The following SASH3 variants were observed in gnomAD, a reference collection of about 807,000 sequenced individuals.
SASH3 encodes SAM and SH3 domain-containing protein 3.
In SASH3, 7 loss-of-function variants were observed where a neutral mutation model predicts 26.1. That is an observed-to-expected ratio of 0.27 (90% CI 0.15 to 0.50). SASH3 has a LOEUF of 0.50. SASH3 is among the 20% of genes least tolerant of loss of function. The pLI, the probability that SASH3 is intolerant of heterozygous loss-of-function variation, is 0.98. For synonymous variants in SASH3, 138 were observed against 136.8 expected (o/e 1.01, Z -0.06); for missense variants, 231 against 318.3 (o/e 0.73, Z 2.09).
At chrX:129,781,242 G>A (rs1466163426) in intron 1 of SASH3, among the ~76,000 whole-genome samples, 1 of 112,077 alleles carries the variant, frequency 8.9e-6, no homozygotes, top group Non-Finnish European at 1.9e-5. Context: ...AGAGATGGAG[G>A]CCAAGGCAGC....
chrX:129,791,081 G>A lies in SASH3; in HGVS notation c.442G>A (p.Gly148Ser), dbSNP rs1461520484. ...LPVLSRQAST[G>S]SELCSPSPGS... The stretch of plus-strand genomic sequence containing the variant: ...GGTGCTCAGCCGCCAGGCATCAACA[G>A]GTGAGTAGGGGATGCGGGGGACACC... The change falls in exon 4 of 8, where the codon GGC becomes AGC. Residue 148 changes from glycine to serine, a missense_variant and splice_region_variant. Coordinates refer to ENST00000356892, the MANE Select transcript of SASH3 (RefSeq NM_018990.4). 4 of 1,209,521 alleles carry A rather than the reference G, an allele frequency of 3.3e-6. No individual in the cohort carries two copies. In the South Asian group the frequency reaches 5.3e-5, roughly 16 times the overall value.
In SASH3 at chrX:129,793,635, C is replaced by A. The variant is rs1482067280; in HGVS notation, c.953-7C>A. On this transcript the variant is annotated splice_region_variant and splice_polypyrimidine_tract_variant and intron_variant, in intron 7 of 7. Transcript: ENST00000356892. ...CATATTCTGTCTCCCTCTCTCGTCC[C>A]TGGCAGCTGGCAGTGAGGAGGCTGA... 1 of 1,209,579 alleles carries A rather than the reference C, an allele frequency of 8.3e-7. No homozygotes were observed. Among genetic ancestry groups the A allele is most frequent in the East Asian group, 3.0e-5 (1 of 33,802 alleles).
chrX:129,779,994 C>T lies in SASH3; in HGVS notation c.-104C>T, dbSNP rs1183904813. On this transcript the variant is annotated 5_prime_UTR_variant, in exon 1 of 8. Coordinates refer to ENST00000356892, the MANE Select transcript of SASH3 (RefSeq NM_018990.4). ...GCAGTCAGAGTGGCAGCTGAAGGCT[C>T]GGTTCATGCCGTGCCCCCGGGCAGT... 9 of 798,315 alleles carry T rather than the reference C, an allele frequency of 1.1e-5. No homozygotes were observed. The highest frequency in any genetic ancestry group is 7.3e-5 in the South Asian group (3 of 41,144). The allele number at this position is 798,315 out of a possible 1,213,427, so 65.8% of individuals were successfully genotyped here. A position where few individuals can be genotyped will look rare whatever the true frequency, so the allele number is the denominator to read the frequency against.
chrX:129,785,288 C>T (rs772865690), intron 1 of SASH3, among the ~76,000 whole-genome samples: 2 of 111,099 alleles, frequency 1.8e-5, no homozygotes, highest in Non-Finnish European at 3.8e-5. Context: ...AGAATTTCAA[C>T]TCAACCCTGA....
At position 129,792,753 on chromosome X, in the gene SASH3, G is replaced by A. The variant is rs2231131; in HGVS notation, c.718G>A (p.Ala240Thr). ...DVLPEEAVGH[A>T]RPSRRQSKGK... ...GCTGCCCGAGGAGGCCGTGGGGCAT[G>A]CCCGCCCCAGCCGCCGACAGAGCAA... is the stretch of plus-strand genomic sequence containing the variant. Residue 240 changes from alanine (A) to threonine (T), a missense_variant, in exon 6 of 8, where the codon GCC becomes ACC. Coordinates refer to ENST00000356892, the MANE Select transcript of SASH3 (RefSeq NM_018990.4). The A allele has an allele frequency of 4.4e-4, 529 of 1,207,002 alleles. 3 individuals carry two copies. In the African/African-American group the frequency reaches 8.1e-3, roughly 18 times the overall value.
chrX:129,792,150 G>A (rs747003128), intron 4 of SASH3, among the ~76,000 whole-genome samples, 178 bp from the exon 5 acceptor site: 7 of 112,019 alleles, frequency 6.2e-5, no homozygotes, highest in Admixed American at 4.7e-4. Flanking sequence ...GCTCCTGGTC[G>A]GTAGCCAAGG....
intron 1 of SASH3, among the ~76,000 whole-genome samples, chrX:129,780,826 A>G (rs145083723): frequency 0.011 from 1,197 of 112,521 alleles, 10 homozygotes; most frequent in African/African-American, 0.036. Context: ...GGAATGAGAA[A>G]TTAAGTTGAG....
chrX:129,784,507 T>C (rs5932683), intron 1 of SASH3, among the ~76,000 whole-genome samples: 5,125 of 110,923 alleles, frequency 0.046, 127 homozygotes, highest in Middle Eastern at 0.082. Context: ...TGTCAGACAA[T>C]GTTCCAAGCA....
At chrX:129,785,543 C>T (rs1927092160) in intron 1 of SASH3, among the ~76,000 whole-genome samples, 2 of 112,252 alleles carry the variant, frequency 1.8e-5, no homozygotes, top group Admixed American at 9.4e-5. Context: ...GAGGGACCCT[C>T]GCACAAGGGT....
chrX:129,788,480 G>A lies in SASH3; in HGVS notation c.203G>A (p.Ser68Asn). ...CCCACCCCAGAAGATGCTGGGAAGA[G>A]TGGCAAAAAGCTGGGGAAGAAGTGG... ...GVPTPEDAGK[S>N]GKKLGKKWRA... The change falls in exon 3 of 8, where the codon AGT becomes AAT. Residue 68 changes from serine (S) to asparagine (N), a missense_variant. Coordinates refer to ENST00000356892, the MANE Select transcript of SASH3 (RefSeq NM_018990.4). 8.3e-7 allele frequency: 1 copy of A among 1,211,561 alleles called. No individual in the cohort carries two copies. Among genetic ancestry groups the A allele is most frequent in the Non-Finnish European group, 1.1e-6 (1 of 895,140 alleles).
At position 129,791,098 on chromosome X, in the gene SASH3, G is replaced by A. The variant is rs771134347; in HGVS notation, c.442+17G>A. ...CATCAACAGGTGAGTAGGGGATGCG[G>A]GGGACACCTGCCGAATCTGGAGGAA... On this transcript the variant is annotated intron_variant, in intron 4 of 7. Coordinates refer to ENST00000356892, the MANE Select transcript of SASH3 (RefSeq NM_018990.4). 1 of 1,204,685 alleles carries A rather than the reference G, an allele frequency of 8.3e-7. No individual in the cohort carries two copies. Among genetic ancestry groups the A allele is most frequent in the Non-Finnish European group, 1.1e-6 (1 of 890,923 alleles).
chrX:129,789,113 GAAAGAAAGA>G (rs1927168936), intron 3 of SASH3, among the ~76,000 whole-genome samples: 1 of 29,327 alleles, frequency 3.4e-5, no homozygotes, highest in Non-Finnish European at 5.3e-5. Context: ...AAAAAAAAAA[GAAAGAAAGA>G]AAGAAAGAAA....
rs778881620 is a variant in SASH3, at chrX:129,787,989, C to T, written c.72C>T (p.Arg24=). 7 of 1,208,622 alleles carry T rather than the reference C, an allele frequency of 5.8e-6. No homozygotes were observed. The South Asian group carries it at 8.8e-5, about 15-fold the overall frequency. The change falls in exon 2 of 8, where the codon CGC becomes CGT. Residue 24 remains arginine (R), a synonymous_variant. Transcript: ENST00000356892. ...CCTTTTTCCAGCTCTCCCTTCAGCGCTCCAGCAGCTTCAAGGATTTTGCCA... is the reference window on the plus strand; with the variant it reads ...CCTTTTTCCAGCTCTCCCTTCAGCGTTCCAGCAGCTTCAAGGATTTTGCCA... ...PTQKKKLSLQ[R]SSSFKDFAKS...
rs1232751481 is a variant in SASH3, at chrX:129,794,045, T to C, written c.*213T>C. On this transcript the variant is annotated 3_prime_UTR_variant, in exon 8 of 8. Transcript: ENST00000356892. Reference sequence around the variant, plus strand: ...GAGTCGCCCAAGGGCACATCCCACCTGCCTGAGCCCCGCCCTCCACCAGCG... The same window carrying C: ...GAGTCGCCCAAGGGCACATCCCACCCGCCTGAGCCCCGCCCTCCACCAGCG... 2 of 399,222 alleles carry C rather than the reference T, an allele frequency of 5.0e-6. No homozygotes were observed. Among genetic ancestry groups the C allele is most frequent in the Admixed American group, 4.2e-5 (1 of 23,724 alleles). 32.9% of individuals were successfully genotyped at this position (399,222 alleles called of 1,213,427 possible).
intron 1 of SASH3, 61 bp downstream of exon 1, chrX:129,780,215 C>G: frequency 2.8e-6 from 3 of 1,075,994 alleles, no homozygotes; most frequent in Non-Finnish European, 3.8e-6. Context: ...CCATCCCTTC[C>G]AAGACTCTTG....
intron 1 of SASH3, among the ~76,000 whole-genome samples, chrX:129,784,802 A>G (rs1721426414): frequency 9.1e-6 from 1 of 110,129 alleles, no homozygotes; most frequent in Non-Finnish European, 1.9e-5. Flanking sequence ...CACAGTAACC[A>G]CTATCCTGAC....
intron 1 of SASH3, among the ~76,000 whole-genome samples, chrX:129,785,727 C>A (rs1305432615): frequency 8.9e-6 from 1 of 112,246 alleles, no homozygotes; most frequent in East Asian, 2.8e-4. Context: ...CCTCACCAGT[C>A]CCCAGGGTTT....
Position 129,782,063 on chromosome X carries a change from C to A in SASH3, c.57+1909C>A, listed in dbSNP as rs188822505. Among the ~76,000 whole-genome samples, 506 of 112,377 alleles carry A rather than the reference C, an allele frequency of 4.5e-3. 1 individual carries two copies. Among genetic ancestry groups the A allele is most frequent in the African/African-American group, 0.015 (463 of 30,952 alleles). Reference sequence around the variant, plus strand: ...TCTTTCTCCTGCCCCTGCTTCTCCTCTTGGGCCTGCCAATGGAGAATGTGC... The same window carrying A: ...TCTTTCTCCTGCCCCTGCTTCTCCTATTGGGCCTGCCAATGGAGAATGTGC... On this transcript the variant is annotated intron_variant, in intron 1 of 7. Coordinates refer to ENST00000356892, the MANE Select transcript of SASH3 (RefSeq NM_018990.4).
chrX:129,785,566 G>T (rs1233777747), intron 1 of SASH3, among the ~76,000 whole-genome samples: 1 of 112,198 alleles, frequency 8.9e-6, no homozygotes, highest in African/African-American at 3.2e-5. Flanking sequence ...GGGAGCCAAA[G>T]GCCTTTCCTC....
Sources: allele counts gnomAD v4.1 joint callset (sites outside exome capture counted in the v4.1 genomes callset), GRCh38; gene constraint gnomAD v4.1.1; transcripts MANE v1.5; gene names NCBI Gene and HGNC (gene_info 2026-07-23, HGNC 2026-07-21).